The following ATP8A2 variants were observed in gnomAD, a reference collection of about 807,000 sequenced individuals.
ATP8A2 encodes ATPase phospholipid transporting 8A2.
Under a neutral mutation model 165.6 loss-of-function variants are expected in ATP8A2, and 100 were observed. The ratio of observed to expected loss-of-function variants is 0.60; its 90% CI spans 0.51 to 0.71. ATP8A2 has a LOEUF of 0.71. Ranked by LOEUF, ATP8A2 falls within the 30% of genes least tolerant of loss-of-function variation. The pLI is 0.00. For missense variants in ATP8A2, 1,227 were observed against 1,479.5 expected (o/e 0.83, Z 2.80); for synonymous variants, 543 against 548.8 (o/e 0.99, Z 0.15).
chr13:25,565,753 CT>C (rs2039294828), intron 16 of ATP8A2, among the ~76,000 whole-genome samples: 1 of 133,318 alleles, frequency 7.5e-6, no homozygotes, highest in Non-Finnish European at 1.6e-5. Flanking sequence ...AGCTGTTTAT[CT>C]TTGTTTTTAT....
intron 26 of ATP8A2, among the ~76,000 whole-genome samples, chr13:25,772,916 C>T (rs1391175813): frequency 3.3e-5 from 5 of 152,012 alleles, no homozygotes; most frequent in Non-Finnish European, 5.9e-5. Context: ...CCCAACACCA[C>T]GTCTGACTAC....
At chr13:25,647,328 T>G (rs932779780) in intron 24 of ATP8A2, among the ~76,000 whole-genome samples, 3 of 152,214 alleles carry the variant, frequency 2.0e-5, no homozygotes, top group Non-Finnish European at 4.4e-5. Flanking sequence ...TGGAAAAGTT[T>G]CTGTTTCTGC....
chr13:25,844,938 T>C (rs1951824740), intron 30 of ATP8A2, among the ~76,000 whole-genome samples: 1 of 152,196 alleles, frequency 6.6e-6, no homozygotes, highest in South Asian at 2.1e-4. Flanking sequence ...GGAAGAAATA[T>C]TTTGAGAAGG....
chr13:25,645,291 A>G lies in ATP8A2; in HGVS notation c.2212-53882A>G, dbSNP rs148851140. ...TGTGAGACTATTCAGTATCACCAGA[A>G]TAGCACAGGAAAGACTGGCCCCTGT... On this transcript the variant is annotated intron_variant, in intron 24 of 36. Transcript: ENST00000381655. Among the ~76,000 whole-genome samples the G allele has an allele frequency of 4.3e-3, 661 of 152,322 alleles. 1 individual carries two copies. Among genetic ancestry groups the G allele is most frequent in the African/African-American group, 0.015 (603 of 41,576 alleles).
At chr13:25,700,966 A>T (rs1032572054) in intron 25 of ATP8A2, among the ~76,000 whole-genome samples, 1 of 152,070 alleles carries the variant, frequency 6.6e-6, no homozygotes, top group Non-Finnish European at 1.5e-5. Flanking sequence ...TCGTTTTTTC[A>T]TGTGTTTATT....
At chr13:25,581,264 C>T (rs2039769430) in intron 22 of ATP8A2, among the ~76,000 whole-genome samples, 2 of 152,166 alleles carry the variant, frequency 1.3e-5, no homozygotes, top group African/African-American at 4.8e-5. Context: ...GGGAACCAAA[C>T]ATCCACACCC....
intron 24 of ATP8A2, among the ~76,000 whole-genome samples, chr13:25,640,343 T>G (rs1021255107): frequency 2.0e-5 from 3 of 151,506 alleles, no homozygotes; most frequent in Admixed American, 6.6e-5. Flanking sequence ...TCAACAAAAT[T>G]GATAGACTGC....
intron 23 of ATP8A2, among the ~76,000 whole-genome samples, chr13:25,585,345 G>A (rs4770849): frequency 0.6 from 91,135 of 152,048 alleles, 28,936 homozygotes; most frequent in Middle Eastern, 0.71. Context: ...TGAATAAAAC[G>A]TCTATTAAAT....
At chr13:25,673,791 G>C (rs2042315150) in intron 24 of ATP8A2, among the ~76,000 whole-genome samples, 1 of 152,164 alleles carries the variant, frequency 6.6e-6, no homozygotes, top group African/African-American at 2.4e-5. Context: ...CAGTAATTCA[G>C]ATGTATTTAT....
Position 25,646,567 on chromosome 13 carries a change from A to C in ATP8A2, c.2212-52606A>C, listed in dbSNP as rs949222793. 5.5e-5 allele frequency among the ~76,000 whole-genome samples: 8 copies of C among 144,492 alleles called. 1 individual carries two copies. The highest frequency in any genetic ancestry group is 2.4e-4 in the South Asian group (1 of 4,168). The allele number at this position is 144,492 out of a possible 152,430, so 94.8% of individuals were successfully genotyped here. On this transcript the variant is annotated intron_variant, in intron 24 of 36. Transcript: ENST00000381655. Reference sequence around the variant, plus strand: ...GCTGCTTGGGAGGCTGAGGTAGAGAATTGCTTGAACCTGGAAGGTGGAGGT... The same window carrying C: ...GCTGCTTGGGAGGCTGAGGTAGAGACTTGCTTGAACCTGGAAGGTGGAGGT...
At chr13:25,433,313 C>T (rs1289001819) in intron 1 of ATP8A2, among the ~76,000 whole-genome samples, 1 of 152,138 alleles carries the variant, frequency 6.6e-6, no homozygotes, top group Admixed American at 6.5e-5. Flanking sequence ...CTTTCTGTCT[C>T]CCAGGCTGGA....
chr13:25,468,946 C>A (rs1183251855), intron 1 of ATP8A2, 31 bp from the exon 2 acceptor site: 11 of 1,611,494 alleles, frequency 6.8e-6, no homozygotes, highest in Non-Finnish European at 8.5e-6. Context: ...TTCTTTGTGT[C>A]GTATTCTCTG....
At chr13:25,443,572 A>G (rs1182168993) in intron 1 of ATP8A2, among the ~76,000 whole-genome samples, 1 of 152,268 alleles carries the variant, frequency 6.6e-6, no homozygotes, top group African/African-American at 2.4e-5. Flanking sequence ...TACACATGGA[A>G]TGTGTTATAC....
At chr13:25,589,468 A>G (rs551427588) in intron 23 of ATP8A2, among the ~76,000 whole-genome samples, 167 bp from the exon 24 acceptor site, 1 of 152,338 alleles carries the variant, frequency 6.6e-6, no homozygotes, top group Non-Finnish European at 1.5e-5. Context: ...GTTCTATTCA[A>G]TCTGTACAAG....
intron 1 of ATP8A2, among the ~76,000 whole-genome samples, chr13:25,412,834 G>C (rs926730824): frequency 4.0e-5 from 6 of 151,856 alleles, no homozygotes; most frequent in East Asian, 1.9e-4. Context: ...AATTTTTTTT[G>C]GGGGGGGATG....
intron 33 of ATP8A2, among the ~76,000 whole-genome samples, chr13:25,885,381 G>A (rs982173122): frequency 6.6e-6 from 1 of 151,988 alleles, no homozygotes; most frequent in Admixed American, 6.6e-5. Flanking sequence ...CCAAAGTGCT[G>A]GGATTACAGG....
chr13:25,586,481 T>C (rs2039925668), intron 23 of ATP8A2, among the ~76,000 whole-genome samples: 1 of 152,218 alleles, frequency 6.6e-6, no homozygotes, highest in Non-Finnish European at 1.5e-5. Context: ...GGACAAGGCC[T>C]CAGCTCCCTG....
intron 2 of ATP8A2, among the ~76,000 whole-genome samples, chr13:25,473,727 G>A (rs1260470913): frequency 6.6e-6 from 1 of 151,882 alleles, no homozygotes; most frequent in East Asian, 1.9e-4. Flanking sequence ...TATTTCTGTA[G>A]ATTTCCCTGT....
chr13:25,557,887 T>C (rs2039026925), intron 13 of ATP8A2, among the ~76,000 whole-genome samples: 1 of 152,110 alleles, frequency 6.6e-6, no homozygotes, highest in South Asian at 2.1e-4. Context: ...TAAGCCCTTA[T>C]TATAAAATGT....
Sources: allele counts gnomAD v4.1 joint callset (sites outside exome capture counted in the v4.1 genomes callset), GRCh38; gene constraint gnomAD v4.1.1; transcripts MANE v1.5; gene names NCBI Gene and HGNC (gene_info 2026-07-23, HGNC 2026-07-21).